Variants in CAPN1 observed in about 807,000 individuals in gnomAD.
CAPN1 encodes calpain-1 catalytic subunit.
Under a neutral mutation model 105.2 loss-of-function variants are expected in CAPN1, and 77 were observed. That is an observed-to-expected ratio of 0.73 (90% CI 0.61 to 0.88). The LOEUF is 0.88. Among genes scored for constraint, CAPN1 ranks in the 40% least tolerant of loss-of-function variants. CAPN1 has a pLI of 0.00. For synonymous variants in CAPN1, 355 were observed against 388.8 expected (o/e 0.91, Z 1.02); for missense variants, 833 against 976.6 (o/e 0.85, Z 1.96).
Position 65,211,333 on chromosome 11 carries a change from G to A in CAPN1, c.*47G>A. The A allele has an allele frequency of 6.3e-7, 1 of 1,587,090 alleles. No homozygotes were observed. The highest frequency in any genetic ancestry group is 8.6e-7 in the Non-Finnish European group (1 of 1,162,858). ...GCCGTGCTCCCCTCCCTCCTCGTCT[G>A]CCAAGCCTCGCCTCCTACCACACCA... On this transcript the variant is annotated 3_prime_UTR_variant, in exon 22 of 22. Transcript: ENST00000279247.
At chr11:65,206,929 C>T (rs1307765383) in intron 14 of CAPN1, 110 bp downstream of exon 14, 1 of 1,029,054 alleles carries the variant, frequency 9.7e-7, no homozygotes, top group African/African-American at 1.6e-5. Context: ...AGGGAAGATC[C>T]CCTCCTGGTG....
At chr11:65,183,426 C>G (rs889192754) in intron 3 of CAPN1, 48 bp from the exon 4 acceptor site, 12 of 1,442,184 alleles carry the variant, frequency 8.3e-6, no homozygotes, top group Admixed American at 3.4e-5. Flanking sequence ...GCTTCCCCCC[C>G]CGGGGCAGGT....
intron 12 of CAPN1, 53 bp from the exon 13 acceptor site, chr11:65,206,410 G>A: frequency 6.8e-7 from 1 of 1,462,722 alleles, no homozygotes; most frequent in Non-Finnish European, 9.5e-7. Context: ...GGTGGCCCCT[G>A]AGGGTGGGCT....
chr11:65,192,909 G>A (rs1948738103), intron 10 of CAPN1, among the ~76,000 whole-genome samples: 1 of 148,758 alleles, frequency 6.7e-6, no homozygotes, highest in South Asian at 2.1e-4. Context: ...GCCCAGCCCT[G>A]AGTTGTATTT....
rs777095480 is a variant in CAPN1 at position 65,188,683 on chromosome 11, A to G, written c.1102A>G (p.Thr368Ala). ...GAGCCGGACCATCCGCAAATGGAAC[A>G]CCACACTCTACGAAGGCACCTGGCG... ...LKSRTIRKWN[T>A]TLYEGTWRRG... The change falls in exon 10 of 22, where the codon ACC becomes GCC. Residue 368 changes from threonine to alanine, a missense_variant. Thr to Ala is a moderately conservative substitution (Grantham distance 58, BLOSUM62 0). Transcript: ENST00000279247. The surrounding 1 kb of genome is among the most constrained non-coding windows in gnomAD (Gnocchi z 5.5). 1 of 1,613,032 alleles carries G rather than the reference A, an allele frequency of 6.2e-7. No individual in the cohort carries two copies. The highest frequency in any genetic ancestry group is 8.5e-7 in the Non-Finnish European group (1 of 1,179,468).
chr11:65,195,714 T>A (rs1323688540), intron 10 of CAPN1, among the ~76,000 whole-genome samples: 1 of 152,182 alleles, frequency 6.6e-6, no homozygotes, highest in African/African-American at 2.4e-5. Context: ...CCTTGTGGTG[T>A]CTTTATCTGG....
intron 21 of CAPN1, 171 bp downstream of exon 21, chr11:65,211,043 G>A (rs1949041050): frequency 2.6e-6 from 2 of 756,526 alleles, no homozygotes; most frequent in Non-Finnish European, 4.4e-6. Flanking sequence ...CTGGATTCTG[G>A]GAAAGGAGCA....
chr11:65,196,465 A>G, intron 10 of CAPN1, among the ~76,000 whole-genome samples: 1 of 152,030 alleles, frequency 6.6e-6, no homozygotes, highest in East Asian at 1.9e-4. Flanking sequence ...ATCGCCTCAA[A>G]CATTTATCTT....
intron 7 of CAPN1, 197 bp downstream of exon 7, chr11:65,187,495 C>T (rs1948652565): frequency 3.4e-6 from 2 of 594,674 alleles, no homozygotes; most frequent in South Asian, 2.0e-5. Context: ...TTCATGTGTG[C>T]AGCTGCCTGC....
At chr11:65,199,972 C>A (rs1948844029) in intron 10 of CAPN1, among the ~76,000 whole-genome samples, 1 of 152,124 alleles carries the variant, frequency 6.6e-6, no homozygotes, top group African/African-American at 2.4e-5. Context: ...TCTTTGAGTC[C>A]TCAGATAAAG....
intron 4 of CAPN1, 112 bp from the exon 5 acceptor site, chr11:65,185,805 A>G (rs2137316875): frequency 2.7e-6 from 3 of 1,095,772 alleles, no homozygotes; most frequent in Middle Eastern, 2.9e-4. Flanking sequence ...GTCTATGTGT[A>G]TCTAGTATGT....
rs1329369827 is a variant in CAPN1, at chr11:65,184,395, T to C, written c.456+803T>C. 2.6e-5 allele frequency among the ~76,000 whole-genome samples: 4 copies of C among 151,630 alleles called. No individual in the cohort carries two copies. In the East Asian group the frequency reaches 7.8e-4, roughly 30 times the overall value. On this transcript the variant is annotated intron_variant, in intron 4 of 21. Transcript: ENST00000279247. The stretch of plus-strand genomic sequence containing the variant: ...CCCTTCCCTCGCTCCTCCAATCCGC[T>C]CCTCCCTGGCCTCCGATTGGCCAGT...
chr11:65,183,444 G>A, intron 3 of CAPN1, 30 bp from the exon 4 acceptor site: 3 of 1,537,346 alleles, frequency 2.0e-6, no homozygotes, highest in African/African-American at 2.7e-5. Context: ...GGTTGGTAGA[G>A]CAGGCTAATG....
At chr11:65,194,993 G>A (rs1008800601) in intron 10 of CAPN1, among the ~76,000 whole-genome samples, 1 of 151,754 alleles carries the variant, frequency 6.6e-6, no homozygotes, top group Non-Finnish European at 1.5e-5. Context: ...CCAACAACAT[G>A]TGAGGGTTCT....
At chr11:65,193,850 C>G (rs376779381) in intron 10 of CAPN1, among the ~76,000 whole-genome samples, 72 of 151,824 alleles carry the variant, frequency 4.7e-4, no homozygotes, top group Admixed American at 2.5e-3. Flanking sequence ...TCACTTCAGC[C>G]TCCCAAGTGG....
intron 4 of CAPN1, 147 bp from the exon 5 acceptor site, chr11:65,185,770 G>T: frequency 1.3e-6 from 1 of 771,198 alleles, no homozygotes; most frequent in Non-Finnish European, 2.0e-6. Context: ...TATACATCTA[G>T]TATGTATCTA....
Position 65,209,487 on chromosome 11 carries a change from C to G in CAPN1, c.1794+100C>G, listed in dbSNP as rs1949012225. On this transcript the variant is annotated intron_variant, in intron 17 of 21. Coordinates refer to ENST00000279247, the MANE Select transcript of CAPN1 (RefSeq NM_005186.4). The surrounding 1 kb of genome is among the most constrained non-coding windows in gnomAD (Gnocchi z 4.1). ...GACAGCACAGAGAACAGGACAGAGC[C>G]ATGCGGAGTGTGGACACACAGTGCC... 1 of 1,025,858 alleles carries G rather than the reference C, an allele frequency of 9.7e-7. No homozygotes were observed. Among genetic ancestry groups the G allele is most frequent in the Non-Finnish European group, 1.5e-6 (1 of 666,442 alleles). 63.5% of individuals were successfully genotyped at this position (1,025,858 alleles called of 1,614,324 possible).
intron 10 of CAPN1, among the ~76,000 whole-genome samples, chr11:65,189,240 C>T (rs937334758): frequency 6.6e-6 from 1 of 152,174 alleles, no homozygotes; most frequent in Non-Finnish European, 1.5e-5. Flanking sequence ...AGGCTGGTCT[C>T]GATCTCCTGA....
chr11:65,206,442 C>T (rs1948958624), intron 12 of CAPN1, 21 bp from the exon 13 acceptor site: 2 of 1,603,060 alleles, frequency 1.2e-6, no homozygotes, highest in Non-Finnish European at 1.7e-6. Context: ...TGCAGCCCTG[C>T]TCCCTCCTCC....
Sources: gnomAD v4.1 joint callset for allele counts (sites outside exome capture counted in the v4.1 genomes callset) on GRCh38, gnomAD v4.1.1 for gene constraint, Gnocchi (gnomAD v3.1) non-coding constraint, MANE v1.5 for transcripts, NCBI Gene and HGNC (gene_info 2026-07-23, HGNC 2026-07-21) for gene names.